The following ASAP1 variants were observed in gnomAD, a reference collection of about 807,000 sequenced individuals.
ASAP1 encodes the protein arf-GAP with SH3 domain, ANK repeat and PH domain-containing protein 1.
Under a neutral mutation model 145.2 loss-of-function variants are expected in ASAP1, and 43 were observed. The ratio of observed to expected loss-of-function variants is 0.30; its 90% confidence interval spans 0.23 to 0.38. The LOEUF (loss-of-function observed/expected upper bound fraction) is 0.38. ASAP1 is among the 10% of genes least tolerant of loss of function. ASAP1 has a pLI of 1.00. For synonymous variants in ASAP1, 546 were observed against 515.5 expected, an observed-to-expected ratio of 1.06 and a Z score of -0.80; for missense variants, 1,018 against 1,355.3, an observed-to-expected ratio of 0.75 and a Z score of 3.91.
At chr8:130,254,747 C>G (rs142834654) in intron 3 of ASAP1, among the ~76,000 whole-genome samples, 1 of 152,064 alleles carries the variant, frequency 6.6e-6, no homozygotes, top group South Asian at 2.1e-4. Context: ...AGAGAAGTTA[C>G]CAAACATCAA....
chr8:130,387,480 G>A (rs965917316), intron 2 of ASAP1, among the ~76,000 whole-genome samples: 2 of 151,272 alleles, frequency 1.3e-5, no homozygotes, highest in Non-Finnish European at 2.9e-5. Flanking sequence ...AGGTTGCAAT[G>A]AGCCAAGATT....
intron 13 of ASAP1, among the ~76,000 whole-genome samples, chr8:130,150,133 A>G (rs771041381): frequency 1.3e-5 from 2 of 152,236 alleles, no homozygotes; most frequent in Non-Finnish European, 2.9e-5. Context: ...TGTGTTAAAT[A>G]CTTTTCTCAA....
chr8:130,431,239 G>C (rs1830123895), intron 1 of ASAP1, among the ~76,000 whole-genome samples: 1 of 152,014 alleles, frequency 6.6e-6, no homozygotes, highest in Admixed American at 6.5e-5. Flanking sequence ...CCAGACCCTG[G>C]CATCAACCAC....
At chr8:130,224,731 G>C (rs1817493718) in intron 4 of ASAP1, among the ~76,000 whole-genome samples, 1 of 152,182 alleles carries the variant, frequency 6.6e-6, no homozygotes, top group South Asian at 2.1e-4. Context: ...TACGCCTGCT[G>C]AAAGGATACT....
chr8:130,394,561 C>T (rs1209812569), intron 2 of ASAP1, among the ~76,000 whole-genome samples: 2 of 152,136 alleles, frequency 1.3e-5, no homozygotes, highest in Non-Finnish European at 2.9e-5. Context: ...TATTCTATTA[C>T]CTTGTAAAGT....
rs372057464 is a variant in ASAP1, at chr8:130,368,785, G to A, written c.60-10642C>T. On this transcript the variant is annotated intron_variant, in intron 2 of 29. Transcript: ENST00000518721. ...AGATGGCAAGAGATGCGGGAGAGTC[G>A]TGGTGACCTCATTTGAACCACTGGA... Among the ~76,000 whole-genome samples the A allele has an allele frequency of 7.2e-5, 11 of 152,328 alleles. No individual in the cohort carries two copies. The East Asian group carries it at 1.3e-3, about 19-fold the overall frequency.
At chr8:130,390,058 T>C (rs956305676) in intron 2 of ASAP1, among the ~76,000 whole-genome samples, 5 of 152,130 alleles carry the variant, frequency 3.3e-5, no homozygotes, top group African/African-American at 7.2e-5. Flanking sequence ...ACTTAAAGAA[T>C]TAGAAACACT....
At chr8:130,162,094 C>T (rs7818165) in intron 11 of ASAP1, among the ~76,000 whole-genome samples, 2,762 of 152,294 alleles carry the variant, frequency 0.018, 94 homozygotes, top group African/African-American at 0.062. Context: ...GCACCATGCT[C>T]GACCTAAATG....
chr8:130,099,680 C>CTTTTT (rs57950334), intron 24 of ASAP1, among the ~76,000 whole-genome samples: 3 of 100,202 alleles, frequency 3.0e-5, no homozygotes, highest in Non-Finnish European at 4.1e-5. Context: ...GGATTTCATT[C>CTTTTT]TTTTTTTTTT....
intron 3 of ASAP1, among the ~76,000 whole-genome samples, chr8:130,285,918 T>C (rs1363043292): frequency 6.6e-6 from 1 of 152,064 alleles, no homozygotes; most frequent in Non-Finnish European, 1.5e-5. Flanking sequence ...AAGGCTTTAC[T>C]GGAACAGATA....
intron 3 of ASAP1, among the ~76,000 whole-genome samples, chr8:130,278,183 G>A (rs1478495935): frequency 6.6e-6 from 1 of 152,074 alleles, no homozygotes; most frequent in Non-Finnish European, 1.5e-5. Flanking sequence ...TAAAGGGAAT[G>A]AGCAATGTAA....
At chr8:130,182,285 A>G (rs772901364) in intron 7 of ASAP1, among the ~76,000 whole-genome samples, 3 of 152,238 alleles carry the variant, frequency 2.0e-5, no homozygotes, top group Non-Finnish European at 2.9e-5. Flanking sequence ...AAGGCATAAG[A>G]ACAGATAATC....
intron 1 of ASAP1, 57 bp from the exon 2 acceptor site, chr8:130,402,027 A>C (rs780683521): frequency 1.8e-5 from 22 of 1,198,428 alleles, no homozygotes; most frequent in African/African-American, 3.0e-5. Context: ...ACTGGGCAGA[A>C]GACATTGTCT....
intron 3 of ASAP1, among the ~76,000 whole-genome samples, chr8:130,283,316 C>CA (rs373177921): frequency 2.0e-5 from 3 of 152,220 alleles, no homozygotes; most frequent in African/African-American, 7.2e-5. Context: ...TACAGTGGTT[C>CA]ACGCCTGTAA....
At chr8:130,321,073 G>A (rs1823975013) in intron 3 of ASAP1, among the ~76,000 whole-genome samples, 1 of 152,128 alleles carries the variant, frequency 6.6e-6, no homozygotes, top group Non-Finnish European at 1.5e-5. Flanking sequence ...TTGAAATTTT[G>A]TGATTCCAAG....
At chr8:130,431,298 G>C (rs1329852150) in intron 1 of ASAP1, among the ~76,000 whole-genome samples, 1 of 152,144 alleles carries the variant, frequency 6.6e-6, no homozygotes, top group Non-Finnish European at 1.5e-5. Flanking sequence ...CAACAGGCAA[G>C]TATCACATGA....
At chr8:130,157,222 T>C (rs569468432) in intron 12 of ASAP1, among the ~76,000 whole-genome samples, 1 of 152,338 alleles carries the variant, frequency 6.6e-6, no homozygotes, top group South Asian at 2.1e-4. Context: ...GTCACCATTC[T>C]AGAGCCCAGT....
At chr8:130,146,055 T>C (rs2097629225) in intron 13 of ASAP1, among the ~76,000 whole-genome samples, 2 of 150,612 alleles carry the variant, frequency 1.3e-5, no homozygotes, top group Admixed American at 1.3e-4. Context: ...TTTTGCCACG[T>C]AGCCCAGGCT....
intron 1 of ASAP1, among the ~76,000 whole-genome samples, chr8:130,441,597 G>T (rs746685758): frequency 6.6e-6 from 1 of 152,222 alleles, no homozygotes; most frequent in African/African-American, 2.4e-5. Context: ...TCACCTAGGT[G>T]CAGCATGGAG....
Sources: gnomAD v4.1 joint callset for allele counts (sites outside exome capture counted in the v4.1 genomes callset) on GRCh38, gnomAD v4.1.1 for gene constraint, MANE v1.5 for transcripts, NCBI Gene and HGNC (gene_info 2026-07-23, HGNC 2026-07-21) for gene names.